Variants in ACOT12 observed in about 807,000 individuals in gnomAD.
ACOT12 encodes acetyl-coenzyme A thioesterase.
Under a neutral mutation model 67.7 loss-of-function variants are expected in ACOT12, and 51 were observed. That is an observed-to-expected ratio of 0.75 (90% CI 0.60 to 0.95). The LOEUF (loss-of-function observed/expected upper bound fraction) is 0.95, where lower values mean the gene tolerates loss of function less well. Ranked by LOEUF, ACOT12 falls within the 40% of genes least tolerant of loss-of-function variation. ACOT12 has a pLI of 0.00. For synonymous variants in ACOT12, 251 were observed against 244.6 expected (o/e 1.03, Z -0.24); for missense variants, 734 against 708.1 (o/e 1.04, Z -0.41).
At chr5:81,351,009 A>G (rs1759537130) in intron 5 of ACOT12, among the ~76,000 whole-genome samples, 1 of 152,006 alleles carries the variant, frequency 6.6e-6, no homozygotes, top group Admixed American at 6.5e-5. Flanking sequence ...GTGTTTTCTC[A>G]CCATTTCTGG....
intron 3 of ACOT12, among the ~76,000 whole-genome samples, chr5:81,367,108 A>T (rs541000031): frequency 6.6e-6 from 1 of 152,342 alleles, no homozygotes; most frequent in South Asian, 2.1e-4. Flanking sequence ...TACCTACTGA[A>T]TATGAGCATC....
At chr5:81,311,306 AG>A in the ACOT12 span, 1 of 1,607,998 alleles carries the variant, frequency 6.2e-7, no homozygotes. Context: ...TCTACTTAGA[AG>A]GGGTGAGATT....
chr5:81,388,790 C>T (rs556529159), intron 1 of ACOT12, among the ~76,000 whole-genome samples: 3 of 152,194 alleles, frequency 2.0e-5, no homozygotes, highest in Non-Finnish European at 2.9e-5. Flanking sequence ...GGGAAGGAAC[C>T]GGTGGGAGAT....
At chr5:81,346,607 G>T (rs1759388502) in intron 6 of ACOT12, among the ~76,000 whole-genome samples, 1 of 152,018 alleles carries the variant, frequency 6.6e-6, no homozygotes, top group Non-Finnish European at 1.5e-5. Context: ...CTACATTTTA[G>T]ATTCCCAGTC....
chr5:81,386,496 T>C (rs1760727753), intron 1 of ACOT12, among the ~76,000 whole-genome samples: 2 of 152,226 alleles, frequency 1.3e-5, no homozygotes, highest in Admixed American at 1.3e-4. Flanking sequence ...CGTAATTTGC[T>C]CAGATTTTTT....
chr5:81,356,902 G>A (rs1759734040), intron 5 of ACOT12, among the ~76,000 whole-genome samples: 1 of 151,890 alleles, frequency 6.6e-6, no homozygotes, highest in African/African-American at 2.4e-5. Context: ...TGCAAACCCA[G>A]TCATGCCCCA....
At chr5:81,386,994 CATTTTTTTTT>C (rs1258472565) in intron 1 of ACOT12, among the ~76,000 whole-genome samples, 1 of 128,480 alleles carries the variant, frequency 7.8e-6, no homozygotes, top group Non-Finnish European at 1.6e-5. Context: ...GGATGAGTTC[CATTTTTTTTT>C]TTTTTTTTTT....
intron 2 of ACOT12, among the ~76,000 whole-genome samples, chr5:81,380,920 C>T (rs1283528999): frequency 1.3e-5 from 2 of 152,062 alleles, no homozygotes; most frequent in African/African-American, 2.4e-5. Flanking sequence ...CTAGGCTATA[C>T]GGTATAGCCT....
In ACOT12 at chr5:81,376,798, G is replaced by T. The variant is rs540322227; in HGVS notation, c.198-4988C>A. On this transcript the variant is annotated intron_variant, in intron 2 of 14. Coordinates refer to ENST00000307624, the MANE Select transcript of ACOT12 (RefSeq NM_130767.3). ...CCCAAGACTAAACTAGGAAGAAGTCGAATCTCTGAATAGACCAATGACAAG... is the reference window on the plus strand; with the variant it reads ...CCCAAGACTAAACTAGGAAGAAGTCTAATCTCTGAATAGACCAATGACAAG... Among the ~76,000 whole-genome samples, 3 of 152,196 alleles carry T rather than the reference G, an allele frequency of 2.0e-5. No homozygotes were observed. The South Asian group carries it at 6.2e-4, about 32-fold the overall frequency.
chr5:81,344,951 G>A lies in ACOT12; in HGVS notation c.864C>T (p.Tyr288=). 1.2e-6 allele frequency: 2 copies of A among 1,614,190 alleles called. No homozygotes were observed. The highest frequency in any genetic ancestry group is 1.6e-4 in the Middle Eastern group (1 of 6,062). The change falls in exon 8 of 15, where the codon TAC becomes TAT. Residue 288 remains tyrosine, a synonymous_variant. Coordinates refer to ENST00000307624, the MANE Select transcript of ACOT12 (RefSeq NM_130767.3). Reference sequence around the variant, plus strand: ...GATTTTCCTTATCATCAGCAGCATTGTAAATGAGAAAAGCACTGTTGATGT... The same window carrying A: ...GATTTTCCTTATCATCAGCAGCATTATAAATGAGAAAAGCACTGTTGATGT... ...GRHINSAFLI[Y]NAADDKENLI... is the part of the protein sequence containing the mutation.
chr5:81,343,810 A>G lies in ACOT12; in HGVS notation c.1044+8T>C. 6.2e-7 allele frequency: 1 copy of G among 1,611,282 alleles called. No homozygotes were observed. The highest frequency in any genetic ancestry group is 8.5e-7 in the Non-Finnish European group (1 of 1,179,332). On this transcript the variant is annotated splice_region_variant and intron_variant, in intron 10 of 14. Coordinates refer to ENST00000307624, the MANE Select transcript of ACOT12 (RefSeq NM_130767.3). ...TTATATGAAGAGCTCCAAATCACAA[A>G]ACATCACCTGCTTGCTGATATCCCA...
intron 2 of ACOT12, 47 bp from the exon 3 acceptor site, chr5:81,371,857 A>G (rs1464836732): frequency 6.5e-7 from 1 of 1,533,942 alleles, no homozygotes. Flanking sequence ...AGCACATTTC[A>G]TTTCAGATAA....
chr5:81,323,940 G>GTATA, the ACOT12 span, among the ~76,000 whole-genome samples: 630 of 132,538 alleles, frequency 4.8e-3, 2 homozygotes, highest in Non-Finnish European at 8.6e-3. Flanking sequence ...ACATATATGT[G>GTATA]TATATATATA....
the ACOT12 span, chr5:81,308,743 C>G: frequency 1.9e-6 from 3 of 1,588,918 alleles, no homozygotes; most frequent in Non-Finnish European, 2.6e-6. Flanking sequence ...TTGTTTTGTT[C>G]ATGGGGAAAG....
chr5:81,368,544 TA>T (rs1479169896), intron 3 of ACOT12, among the ~76,000 whole-genome samples: 1 of 152,008 alleles, frequency 6.6e-6, no homozygotes, highest in East Asian at 1.9e-4. Context: ...CATAAAGATG[TA>T]TCTGGAAAAA....
chr5:81,334,424 G>A (rs1429689719), intron 12 of ACOT12, among the ~76,000 whole-genome samples: 2 of 152,108 alleles, frequency 1.3e-5, no homozygotes, highest in Non-Finnish European at 2.9e-5. Context: ...CACGACTTAA[G>A]CGACTTAAGC....
intron 3 of ACOT12, 76 bp downstream of exon 3, chr5:81,371,674 G>C: frequency 7.1e-7 from 1 of 1,401,228 alleles, no homozygotes; most frequent in Non-Finnish European, 1.0e-6. Flanking sequence ...TATTAGTCTA[G>C]GCCTCCTGCT....
the ACOT12 span, among the ~76,000 whole-genome samples, chr5:81,319,846 T>C: frequency 7.6e-6 from 1 of 132,042 alleles, no homozygotes; most frequent in East Asian, 2.6e-4. Flanking sequence ...AATATTTGCC[T>C]ACTCTCCTCA....
intron 2 of ACOT12, among the ~76,000 whole-genome samples, chr5:81,380,638 A>T (rs1340906711): frequency 1.3e-5 from 2 of 152,090 alleles, no homozygotes; most frequent in Non-Finnish European, 2.9e-5. Context: ...ATACATCTGC[A>T]CAAGACTACA....
Sources: allele counts gnomAD v4.1 joint callset (sites outside exome capture counted in the v4.1 genomes callset), GRCh38; gene constraint gnomAD v4.1.1; transcripts MANE v1.5; gene names NCBI Gene and HGNC (gene_info 2026-07-23, HGNC 2026-07-21).